CYP4X1: variants seen among roughly 807,000 people sequenced by gnomAD.
CYP4X1 encodes the protein cytochrome P450 family 4 subfamily X member 1.
Under a neutral mutation model 57.9 loss-of-function variants are expected in CYP4X1, and 44 were observed. That is an observed-to-expected ratio of 0.76 (90% CI 0.60 to 0.98). The LOEUF (loss-of-function observed/expected upper bound fraction) is 0.98. Ranked by LOEUF, CYP4X1 falls within the 50% of genes least tolerant of loss-of-function variation. The probability of loss-of-function intolerance (pLI) is 0.00; values close to 1 mark genes in which losing one functional copy is unlikely to be tolerated. For missense variants in CYP4X1, 532 were observed against 623.9 expected (o/e 0.85, Z 1.57); for synonymous variants, 227 against 228.6 (o/e 0.99, Z 0.06).
At chr1:47,045,095 G>T (rs1644287534) in intron 8 of CYP4X1, among the ~76,000 whole-genome samples, 1 of 152,122 alleles carries the variant, frequency 6.6e-6, no homozygotes, top group South Asian at 2.1e-4. Flanking sequence ...AAAGTGCTGG[G>T]ATTGCAGGTG....
At chr1:46,986,994 C>A in the CYP4X1 span, among the ~76,000 whole-genome samples, 1 of 152,102 alleles carries the variant, frequency 6.6e-6, no homozygotes, top group African/African-American at 2.4e-5. Context: ...AACCAGCTAG[C>A]ATCATAATGA....
At chr1:47,011,719 T>A in the CYP4X1 span, among the ~76,000 whole-genome samples, 3 of 151,602 alleles carry the variant, frequency 2.0e-5, no homozygotes, top group African/African-American at 7.3e-5. Flanking sequence ...CAAGAAAAAA[T>A]CAAACAACCC....
chr1:47,025,937 T>C lies in CYP4X1; in HGVS notation c.177+1943T>C, dbSNP rs143304532. Reference sequence around the variant, plus strand: ...TCATGAATACTATGTCGTCTGTTGTTTTAATTGAATTGTTTTGGCATCCTT... The same window carrying C: ...TCATGAATACTATGTCGTCTGTTGTCTTAATTGAATTGTTTTGGCATCCTT... On this transcript the variant is annotated intron_variant, in intron 1 of 11. Transcript: ENST00000371901. Among the ~76,000 whole-genome samples the C allele has an allele frequency of 1.6e-3, 247 of 152,332 alleles. 2 individuals carry two copies. The highest frequency in any genetic ancestry group is 5.7e-3 in the African/African-American group (237 of 41,566).
At chr1:46,973,822 A>G in the CYP4X1 span, among the ~76,000 whole-genome samples, 1 of 151,928 alleles carries the variant, frequency 6.6e-6, no homozygotes. Context: ...TTTTTTCTAT[A>G]TTAATCTAGC....
chr1:46,976,090 A>T, the CYP4X1 span, among the ~76,000 whole-genome samples: 1 of 151,948 alleles, frequency 6.6e-6, no homozygotes, highest in African/African-American at 2.4e-5. Flanking sequence ...TCTCATTGGG[A>T]CTGGTTGGAC....
intron 9 of CYP4X1, among the ~76,000 whole-genome samples, chr1:47,047,552 G>A (rs1022574922): frequency 6.6e-6 from 1 of 152,130 alleles, no homozygotes; most frequent in Non-Finnish European, 1.5e-5. Context: ...TAGCACCAAT[G>A]GAAATTTGTC....
At chr1:47,027,829 G>C (rs924025540) in intron 1 of CYP4X1, among the ~76,000 whole-genome samples, 6 of 152,082 alleles carry the variant, frequency 3.9e-5, no homozygotes, top group Admixed American at 2.6e-4. Flanking sequence ...AGCACCTCTA[G>C]TACTCTCTAT....
the CYP4X1 span, among the ~76,000 whole-genome samples, chr1:46,982,830 C>T: frequency 6.6e-6 from 1 of 152,158 alleles, no homozygotes; most frequent in Non-Finnish European, 1.5e-5. Context: ...CTTGGCACTC[C>T]TGGGCTGCAC....
At chr1:46,993,781 G>GT in the CYP4X1 span, among the ~76,000 whole-genome samples, 1 of 151,770 alleles carries the variant, frequency 6.6e-6, no homozygotes. Flanking sequence ...GGGGTTGTTT[G>GT]TTTTTTTCTT....
chr1:47,031,577 C>T, intron 3 of CYP4X1, 97 bp downstream of exon 3: 1 of 1,382,924 alleles, frequency 7.2e-7, no homozygotes, highest in Non-Finnish European at 1.0e-6. Flanking sequence ...AATTCAAAAG[C>T]ACAAAGAGTG....
chr1:47,030,336 C>T (rs1644112328), intron 2 of CYP4X1, among the ~76,000 whole-genome samples: 1 of 152,174 alleles, frequency 6.6e-6, no homozygotes, highest in Non-Finnish European at 1.5e-5. Flanking sequence ...TATGCATGGG[C>T]ACGTTGAAGT....
chr1:47,002,142 G>A, the CYP4X1 span, among the ~76,000 whole-genome samples: 2 of 152,248 alleles, frequency 1.3e-5, no homozygotes, highest in Non-Finnish European at 1.5e-5. Flanking sequence ...GGAGCAATGT[G>A]TCTGGAGCAT....
At chr1:46,981,427 A>G in the CYP4X1 span, among the ~76,000 whole-genome samples, 1 of 152,192 alleles carries the variant, frequency 6.6e-6, no homozygotes, top group Non-Finnish European at 1.5e-5. Flanking sequence ...CAAAACCACA[A>G]TGAGATACCA....
chr1:46,968,989 T>C, the CYP4X1 span, among the ~76,000 whole-genome samples: 1 of 152,220 alleles, frequency 6.6e-6, no homozygotes, highest in Non-Finnish European at 1.5e-5. Flanking sequence ...ACTCTTGGTA[T>C]GGTTTCGCTG....
chr1:47,038,576 A>C (rs1306361620), intron 6 of CYP4X1, 84 bp from the exon 7 acceptor site: 4 of 977,068 alleles, frequency 4.1e-6, no homozygotes, highest in Non-Finnish European at 6.1e-6. Flanking sequence ...GCAAGATTTG[A>C]AGCTATTCAC....
At chr1:47,016,034 A>C in the CYP4X1 span, among the ~76,000 whole-genome samples, 3 of 152,006 alleles carry the variant, frequency 2.0e-5, no homozygotes, top group Admixed American at 2.0e-4. Flanking sequence ...TAATAGAAAA[A>C]ATTCTTGACC....
the CYP4X1 span, among the ~76,000 whole-genome samples, chr1:46,980,132 T>C: frequency 6.6e-6 from 1 of 152,106 alleles, no homozygotes; most frequent in Non-Finnish European, 1.5e-5. Context: ...GCCAGGACCA[T>C]CAGGCAAGAG....
upstream of CYP4X1, among the ~76,000 whole-genome samples, chr1:47,018,997 G>A (rs9729128): frequency 6.6e-6 from 1 of 152,146 alleles, no homozygotes; most frequent in South Asian, 2.1e-4. Flanking sequence ...GATGAACTGG[G>A]GAGGAAGAGA....
chr1:46,988,980 A>G, the CYP4X1 span, among the ~76,000 whole-genome samples: 2 of 152,196 alleles, frequency 1.3e-5, no homozygotes, highest in African/African-American at 4.8e-5. Context: ...TCCCTTGGAA[A>G]ACAGGCACAA....
Sources: allele counts gnomAD v4.1 joint callset (sites outside exome capture counted in the v4.1 genomes callset), GRCh38; gene constraint gnomAD v4.1.1; transcripts MANE v1.5; gene names NCBI Gene and HGNC (gene_info 2026-07-23, HGNC 2026-07-21).